Variants in DOCK8 observed in about 807,000 individuals in gnomAD.
The protein encoded by DOCK8 is dedicator of cytokinesis protein 8.
DOCK8 carries 141 observed loss-of-function variants against 245.6 expected under a neutral mutation model. The observed-to-expected ratio is 0.57, with a 90% CI of 0.50 to 0.66. The LOEUF is 0.66. Among genes scored for constraint, DOCK8 ranks in the 30% least tolerant of loss-of-function variants. The pLI, the probability that DOCK8 is intolerant of heterozygous loss-of-function variation, is 0.00. For missense variants in DOCK8, 2,965 were observed against 2,603.4 expected (o/e 1.14, Z -3.02); for synonymous variants, 1,168 against 970.2 (o/e 1.20, Z -3.79).
intron 4 of DOCK8, among the ~76,000 whole-genome samples, chr9:293,066 T>C (rs573313632): frequency 1.3e-5 from 2 of 152,346 alleles, no homozygotes; most frequent in African/African-American, 2.4e-5. Context: ...GGGATTACCA[T>C]TGGCCCAGTT....
chr9:319,103 C>T (rs2050471440), intron 7 of DOCK8, among the ~76,000 whole-genome samples: 1 of 151,310 alleles, frequency 6.6e-6, no homozygotes, highest in Admixed American at 6.6e-5. Context: ...TTGAGGCCGG[C>T]CTGGGCAATA....
At chr9:464,058 A>G (rs2057898388) in intron 47 of DOCK8, 101 bp from the exon 48 acceptor site, 5 of 996,474 alleles carry the variant, frequency 5.0e-6, no homozygotes, top group Middle Eastern at 2.0e-4. Flanking sequence ...GTCCATTTCT[A>G]CTGGGTGATC....
intron 14 of DOCK8, among the ~76,000 whole-genome samples, chr9:348,574 A>T (rs2052013106): frequency 6.6e-6 from 1 of 152,178 alleles, no homozygotes; most frequent in Admixed American, 6.5e-5. Flanking sequence ...TGGTTGGTGG[A>T]GGCAGAAGCA....
chr9:390,400 A>G, intron 23 of DOCK8, 71 bp from the exon 24 acceptor site: 1 of 1,413,954 alleles, frequency 7.1e-7, no homozygotes, highest in South Asian at 1.2e-5. Flanking sequence ...GGAATAAAAG[A>G]AAAGAAAAAA....
chr9:337,604 T>A (rs1051728324), intron 12 of DOCK8, among the ~76,000 whole-genome samples: 1 of 152,104 alleles, frequency 6.6e-6, no homozygotes, highest in African/African-American at 2.4e-5. Flanking sequence ...TCAGAGAGGG[T>A]GACCATTCCA....
intron 2 of DOCK8, among the ~76,000 whole-genome samples, chr9:276,127 G>A (rs2048337594): frequency 6.6e-6 from 1 of 152,052 alleles, no homozygotes; most frequent in Non-Finnish European, 1.5e-5. Flanking sequence ...CTGACCTCAG[G>A]TGATCCGCCC....
At chr9:355,027 A>G (rs898579798) in intron 14 of DOCK8, among the ~76,000 whole-genome samples, 1 of 152,096 alleles carries the variant, frequency 6.6e-6, no homozygotes, top group Non-Finnish European at 1.5e-5. Context: ...TGGTTATTTC[A>G]TTAGAAGCTG....
intron 1 of DOCK8, among the ~76,000 whole-genome samples, chr9:248,245 T>C (rs547798352): frequency 2.7e-4 from 41 of 152,322 alleles, no homozygotes; most frequent in African/African-American, 9.9e-4. Flanking sequence ...TTTCTCCCTA[T>C]AGTCTCCCTG....
chr9:238,858 C>T (rs867237931), intron 1 of DOCK8, among the ~76,000 whole-genome samples: 1 of 152,150 alleles, frequency 6.6e-6, no homozygotes, highest in Non-Finnish European at 1.5e-5. Context: ...AGTTCGGGGT[C>T]GTGGATGGCC....
At chr9:249,827 C>T (rs1365513444) in intron 1 of DOCK8, among the ~76,000 whole-genome samples, 1 of 151,444 alleles carries the variant, frequency 6.6e-6, no homozygotes, top group African/African-American at 2.4e-5. Context: ...GGGGTTTCAC[C>T]ATGTTGGTCA....
At chr9:400,584 T>C (rs62644262) in intron 26 of DOCK8, among the ~76,000 whole-genome samples, 1,971 of 9,758 alleles carry the variant, frequency 0.2, no homozygotes, top group Middle Eastern at 0.27. Context: ...ACCTCCACCA[T>C]CACCACCACC....
At chr9:328,272 A>G in intron 9 of DOCK8, 101 bp downstream of exon 9, 1 of 1,388,552 alleles carries the variant, frequency 7.2e-7, no homozygotes, top group Non-Finnish European at 9.9e-7. Context: ...GTGTCCACAT[A>G]TCCTCTGAGA....
At position 440,139 on chromosome 9, in the gene DOCK8, C is replaced by G. The variant is rs536981372; in HGVS notation, c.5223+751C>G. Among the ~76,000 whole-genome samples the G allele has an allele frequency of 6.1e-3, 931 of 152,246 alleles. 4 individuals are homozygous for G. Among genetic ancestry groups the G allele is most frequent in the Non-Finnish European group, 0.011 (736 of 68,016 alleles). On this transcript the variant is annotated intron_variant, in intron 40 of 47. Coordinates refer to ENST00000432829, the MANE Select transcript of DOCK8 (RefSeq NM_203447.4). ...GTTCAAGCAACTCTCCTGCCTCAGC[C>G]TCATGAGTAGCTGGGATTACAGGTG...
At chr9:456,674 G>A (rs1044068109) in intron 46 of DOCK8, 6 of 152,212 alleles carry the variant, frequency 3.9e-5, no homozygotes, top group East Asian at 1.9e-4. Flanking sequence ...CTGTTACCAA[G>A]CTGGGACCTC....
At chr9:359,838 A>C (rs2052636079) in intron 14 of DOCK8, among the ~76,000 whole-genome samples, 1 of 151,554 alleles carries the variant, frequency 6.6e-6, no homozygotes, top group Admixed American at 6.6e-5. Flanking sequence ...CAGAGGGAGA[A>C]TTTTAAAACA....
At chr9:344,516 A>G (rs924404233) in intron 14 of DOCK8, among the ~76,000 whole-genome samples, 1 of 151,372 alleles carries the variant, frequency 6.6e-6, no homozygotes, top group African/African-American at 2.4e-5. Flanking sequence ...TGAGGTCTGA[A>G]CCCCAGGTAA....
rs2056245538 is a variant in DOCK8 at position 420,844 on chromosome 9, T to C, written c.4024-105T>C. The C allele has an allele frequency of 4.0e-6, 6 of 1,492,452 alleles. No homozygotes were observed. In the Admixed American group the frequency reaches 8.4e-5, roughly 21 times the overall value. 92.5% of individuals were successfully genotyped at this position (1,492,452 alleles called of 1,614,324 possible). A position where few individuals can be genotyped will look rare whatever the true frequency, so the allele number is the denominator to read the frequency against. ...CAGAGCAGCATCTCAGTGAAGCACA[T>C]GTCAAACTTAGCTGGCATCACTGTG... On this transcript the variant is annotated intron_variant, in intron 31 of 47. Transcript: ENST00000432829.
At position 399,170 on chromosome 9, in the gene DOCK8, A is replaced by G. The variant is rs776369768; in HGVS notation, c.3145A>G (p.Asn1049Asp). The stretch of plus-strand genomic sequence containing the variant: ...GGAAAATGAACAGGCGGAAAAGATG[A>G]ACATCAGCCTGGCTTTCTTCTTGTA... ...QKENEQAEKM[N>D]ISLAFFLYDL... Residue 1049 changes from asparagine to aspartate, a missense_variant, in exon 26 of 48, where the codon AAC becomes GAC. Physicochemically the swap from Asn to Asp is conservative, Grantham distance 23. Transcript: ENST00000432829. 4 of 1,613,958 alleles carry G rather than the reference A, an allele frequency of 2.5e-6. No individual in the cohort carries two copies. The highest frequency in any genetic ancestry group is 3.4e-6 in the Non-Finnish European group (4 of 1,179,988).
At chr9:333,321 G>A (rs547999232) in intron 10 of DOCK8, among the ~76,000 whole-genome samples, 11 of 152,348 alleles carry the variant, frequency 7.2e-5, no homozygotes, top group Non-Finnish European at 1.3e-4. Flanking sequence ...CATGGCCTTG[G>A]CCGGGCGTGG....
Sources: gnomAD v4.1 joint callset for allele counts (sites outside exome capture counted in the v4.1 genomes callset) on GRCh38, gnomAD v4.1.1 for gene constraint, MANE v1.5 for transcripts, NCBI Gene and HGNC (gene_info 2026-07-23, HGNC 2026-07-21) for gene names.